Variants in CNTLN observed in about 807,000 individuals in gnomAD.
CNTLN encodes centlein, also known as centlein, centrosomal protein.
CNTLN carries 212 observed loss-of-function variants against 180.0 expected under a neutral mutation model. The observed-to-expected ratio is 1.18, with a 90% confidence interval of 1.05 to 1.32. The LOEUF is 1.32. CNTLN is among the 40% of genes most tolerant of loss of function. The pLI, the probability that CNTLN is intolerant of heterozygous loss-of-function variation, is 0.00. For synonymous variants in CNTLN, 722 were observed against 563.1 expected, an observed-to-expected ratio of 1.28 and a Z score of -3.99; for missense variants, 2,095 against 1,610.9, an observed-to-expected ratio of 1.30 and a Z score of -5.14.
chr9:17,390,342 G>A (rs959394227), intron 14 of CNTLN, among the ~76,000 whole-genome samples: 2 of 137,802 alleles, frequency 1.5e-5, no homozygotes, highest in African/African-American at 5.3e-5. Flanking sequence ...AGGTTCAAGC[G>A]ATTCTCGTGC....
intron 8 of CNTLN, among the ~76,000 whole-genome samples, chr9:17,326,884 C>A (rs1164288502): frequency 6.6e-6 from 1 of 152,038 alleles, no homozygotes; most frequent in South Asian, 2.1e-4. Flanking sequence ...CCAAAAGGAG[C>A]TCTAGGAGAT....
chr9:17,305,185 G>T (rs1373619820), intron 7 of CNTLN, among the ~76,000 whole-genome samples: 1 of 152,068 alleles, frequency 6.6e-6, no homozygotes, highest in East Asian at 1.9e-4. Flanking sequence ...CTGTCCCCTG[G>T]AGATCCTTTT....
At chr9:17,276,268 A>C (rs1828306289) in intron 6 of CNTLN, among the ~76,000 whole-genome samples, 2 of 152,044 alleles carry the variant, frequency 1.3e-5, no homozygotes, top group Non-Finnish European at 2.9e-5. Context: ...GTGTCTCCTA[A>C]GTTATCTTGT....
chr9:17,390,690 G>T (rs4961556), intron 14 of CNTLN, among the ~76,000 whole-genome samples: 124,479 of 152,166 alleles, frequency 0.82, 51,378 homozygotes, highest in Non-Finnish European at 0.87. Flanking sequence ...AATTTACTTT[G>T]CTGTTTTTGA....
intron 18 of CNTLN, among the ~76,000 whole-genome samples, chr9:17,430,576 C>G (rs1452455767): frequency 1.3e-5 from 2 of 151,954 alleles, no homozygotes; most frequent in Non-Finnish European, 2.9e-5. Context: ...TCTCTTACAG[C>G]TATTTTGAAA....
intron 18 of CNTLN, among the ~76,000 whole-genome samples, chr9:17,436,396 C>T (rs1829779350): frequency 6.6e-6 from 1 of 152,094 alleles, no homozygotes; most frequent in Non-Finnish European, 1.5e-5. Flanking sequence ...ATATGTTGTC[C>T]AATTACATTA....
intron 8 of CNTLN, among the ~76,000 whole-genome samples, chr9:17,323,853 A>C (rs1425125256): frequency 6.6e-6 from 1 of 152,116 alleles, no homozygotes; most frequent in African/African-American, 2.4e-5. Context: ...AGCAGTTAAC[A>C]AGGTCACACC....
intron 5 of CNTLN, among the ~76,000 whole-genome samples, chr9:17,252,534 G>A (rs529811044): frequency 6.6e-6 from 1 of 151,722 alleles, no homozygotes; most frequent in East Asian, 1.9e-4. Context: ...TTGGCCATGT[G>A]TATATCTTCT....
At chr9:17,167,662 T>A (rs558553896) in intron 2 of CNTLN, 1 of 152,214 alleles carries the variant, frequency 6.6e-6, no homozygotes, top group South Asian at 2.1e-4. Flanking sequence ...ATCTTCACGG[T>A]GAGATTAATG....
At chr9:17,420,852 T>A (rs1828661925) in intron 18 of CNTLN, among the ~76,000 whole-genome samples, 1 of 152,210 alleles carries the variant, frequency 6.6e-6, no homozygotes, top group South Asian at 2.1e-4. Context: ...GTAATTTCCA[T>A]GTGTTTCTAT....
At chr9:17,299,398 A>T (rs371066659) in intron 7 of CNTLN, 1 of 935,970 alleles carries the variant, frequency 1.1e-6, no homozygotes, top group Admixed American at 6.2e-5. Flanking sequence ...GTTAAATAAT[A>T]CACAGTTCAT....
chr9:17,210,202 A>C (rs1388249794), intron 2 of CNTLN, among the ~76,000 whole-genome samples: 1 of 152,062 alleles, frequency 6.6e-6, no homozygotes, highest in Non-Finnish European at 1.5e-5. Context: ...ACCTAATGCT[A>C]TTCCTCCCCG....
At chr9:17,433,165 T>TA in intron 18 of CNTLN, among the ~76,000 whole-genome samples, 1 of 151,836 alleles carries the variant, frequency 6.6e-6, no homozygotes, top group Non-Finnish European at 1.5e-5. Context: ...AATTGAAGAG[T>TA]AAAAAAAGTG....
At chr9:17,403,008 G>C (rs1392642128) in intron 15 of CNTLN, among the ~76,000 whole-genome samples, 1 of 151,738 alleles carries the variant, frequency 6.6e-6, no homozygotes, top group Non-Finnish European at 1.5e-5. Context: ...AGTGAAGATT[G>C]AGATCAATGT....
chr9:17,299,237 G>A (rs1818171909), intron 7 of CNTLN: 1 of 69,082 alleles, frequency 1.4e-5, no homozygotes, highest in Non-Finnish European at 2.2e-5. Flanking sequence ...GGGAGACAAC[G>A]TCTCAAAAAA....
At chr9:17,497,260 G>T (rs967776064) in intron 25 of CNTLN, among the ~76,000 whole-genome samples, 2 of 152,120 alleles carry the variant, frequency 1.3e-5, no homozygotes, top group South Asian at 4.1e-4. Context: ...AGGAGCCAGT[G>T]ACAAGGGTTT....
At chr9:17,293,837 A>C (rs1817588794) in intron 6 of CNTLN, among the ~76,000 whole-genome samples, 1 of 152,056 alleles carries the variant, frequency 6.6e-6, no homozygotes, top group Non-Finnish European at 1.5e-5. Context: ...ACAGCTCTGC[A>C]CTTGGGACCC....
chr9:17,325,979 G>A lies in CNTLN; in HGVS notation c.1342-4653G>A, dbSNP rs549100099. ...CCCTACAATATTTCTTGGATTTAATGCAACATGACTATATATTTAAGTTGT... is the reference window on the plus strand; with the variant it reads ...CCCTACAATATTTCTTGGATTTAATACAACATGACTATATATTTAAGTTGT... On this transcript the variant is annotated intron_variant, in intron 8 of 25. Coordinates refer to ENST00000380647, the MANE Select transcript of CNTLN (RefSeq NM_017738.4). Among the ~76,000 whole-genome samples the A allele has an allele frequency of 1.8e-4, 28 of 152,082 alleles. No individual in the cohort carries two copies. The South Asian group carries it at 5.6e-3, about 30-fold the overall frequency.
intron 5 of CNTLN, among the ~76,000 whole-genome samples, chr9:17,241,907 C>A (rs1019324906): frequency 6.6e-6 from 1 of 152,142 alleles, no homozygotes; most frequent in Non-Finnish European, 1.5e-5. Flanking sequence ...TTGTATCCTG[C>A]AACTTTACCG....
Sources: gnomAD v4.1 joint callset for allele counts (sites outside exome capture counted in the v4.1 genomes callset) on GRCh38, gnomAD v4.1.1 for gene constraint, MANE v1.5 for transcripts, NCBI Gene and HGNC (gene_info 2026-07-23, HGNC 2026-07-21) for gene names.